TTC3: variants seen among roughly 807,000 people sequenced by gnomAD.
TTC3 encodes the protein tetratricopeptide repeat domain 3.
A neutral mutation model predicts 249.6 loss-of-function variants in TTC3; 180 were observed. That is an observed-to-expected ratio of 0.72 (90% CI 0.64 to 0.82). The LOEUF is 0.82. TTC3 is among the 40% of genes least tolerant of loss of function. TTC3 has a pLI of 0.00. For missense variants in TTC3, 2,061 were observed against 2,398.4 expected (o/e 0.86, Z 2.94); for synonymous variants, 717 against 805.0 (o/e 0.89, Z 1.85).
intron 35 of TTC3, among the ~76,000 whole-genome samples, chr21:37,176,584 T>A (rs996724694): frequency 2.0e-5 from 3 of 152,260 alleles, no homozygotes; most frequent in African/African-American, 7.2e-5. Context: ...GGGATTCTCC[T>A]CTTCAGTCAT....
chr21:37,180,648 A>G (rs1474228118), intron 35 of TTC3, among the ~76,000 whole-genome samples: 1 of 147,950 alleles, frequency 6.8e-6, no homozygotes, highest in African/African-American at 2.5e-5. Context: ...ATTGGGAGAT[A>G]TACCTAATGC....
chr21:37,109,545 G>T (rs1441351818), intron 11 of TTC3, among the ~76,000 whole-genome samples: 1 of 152,226 alleles, frequency 6.6e-6, no homozygotes, highest in East Asian at 1.9e-4. Flanking sequence ...GGCTTGAGTA[G>T]GTAAACAAAG....
chr21:37,135,879 A>G (rs535044885), intron 18 of TTC3, among the ~76,000 whole-genome samples: 36 of 152,352 alleles, frequency 2.4e-4, no homozygotes, highest in Middle Eastern at 3.4e-3. Flanking sequence ...CATTTGTTAC[A>G]AATTGAAGAT....
At chr21:37,087,724 A>G (rs1402995511) in intron 2 of TTC3, 109 bp from the exon 3 acceptor site, 7 of 869,446 alleles carry the variant, frequency 8.1e-6, no homozygotes, top group African/African-American at 1.7e-5. Context: ...TGTTTGAAGC[A>G]TATAAATAAA....
intron 15 of TTC3, among the ~76,000 whole-genome samples, chr21:37,126,979 C>T (rs1178916240): frequency 2.6e-5 from 4 of 152,028 alleles, no homozygotes; most frequent in Non-Finnish European, 2.9e-5. Flanking sequence ...CTCAGCCTCC[C>T]GAGTAGCTGG....
chr21:37,196,339 C>T (rs1435349964), intron 42 of TTC3, among the ~76,000 whole-genome samples: 2 of 150,742 alleles, frequency 1.3e-5, no homozygotes, highest in Admixed American at 6.6e-5. Context: ...CGAGTTCAAG[C>T]GATTCTCCTG....
chr21:37,185,904 ATTT>A (rs535552182), intron 37 of TTC3, 130 bp downstream of exon 37: 1 of 395,696 alleles, frequency 2.5e-6, no homozygotes, highest in South Asian at 1.0e-4. Context: ...TGTTTTCTTT[ATTT>A]CTATTTCTGT....
At chr21:37,157,256 G>GATTAA in intron 28 of TTC3, 1 of 1,164,750 alleles carries the variant, frequency 8.6e-7, no homozygotes, top group Non-Finnish European at 1.2e-6. Flanking sequence ...ACATTGGTCT[G>GATTAA]CAGAAGTAGG....
chr21:37,096,307 G>A (rs550658237), intron 9 of TTC3, among the ~76,000 whole-genome samples: 1 of 152,012 alleles, frequency 6.6e-6, no homozygotes, highest in Non-Finnish European at 1.5e-5. Flanking sequence ...AATATGTCTC[G>A]TTTGATCCCC....
chr21:37,125,258 G>A (rs999259429), intron 14 of TTC3, among the ~76,000 whole-genome samples: 1 of 152,164 alleles, frequency 6.6e-6, no homozygotes, highest in Non-Finnish European at 1.5e-5. Flanking sequence ...GGTTTACTTA[G>A]TGCTTCCGAA....
Position 37,139,146 on chromosome 21 carries a change from C to A in TTC3, c.1659+432C>A, listed in dbSNP as rs572910707. Among the ~76,000 whole-genome samples, 10 of 152,084 alleles carry A rather than the reference C, an allele frequency of 6.6e-5. No homozygotes were observed. In the East Asian group the frequency reaches 1.9e-3, roughly 29 times the overall value. ...TATATAAAATTTAAGATAATGGCTG[C>A]CTTTAGTGATGGCCAGGAGGGAATG... On this transcript the variant is annotated intron_variant, in intron 19 of 45. Transcript: ENST00000355666.
At chr21:37,149,457 C>A (rs79418422) in intron 23 of TTC3, among the ~76,000 whole-genome samples, 3 of 152,162 alleles carry the variant, frequency 2.0e-5, no homozygotes, top group African/African-American at 7.2e-5. Flanking sequence ...GTCACTTCTG[C>A]TATGTCTTTG....
chr21:37,186,267 C>G lies in TTC3; in HGVS notation c.4826+493C>G, dbSNP rs536646672. On this transcript the variant is annotated intron_variant, in intron 37 of 45. Transcript: ENST00000355666. Reference sequence around the variant, plus strand: ...GCTAACCAGTACATTCAGTGATAAGCAGTTGCATTCTGCTTTTCTCACTAT... The same window carrying G: ...GCTAACCAGTACATTCAGTGATAAGGAGTTGCATTCTGCTTTTCTCACTAT... 2.6e-5 allele frequency among the ~76,000 whole-genome samples: 4 copies of G among 152,070 alleles called. No homozygotes were observed. In the East Asian group the frequency reaches 5.8e-4, roughly 22 times the overall value.
chr21:37,143,633 A>G (rs1021653553), intron 20 of TTC3, among the ~76,000 whole-genome samples: 5,704 of 151,396 alleles, frequency 0.038, 322 homozygotes, highest in African/African-American at 0.13. Flanking sequence ...GAACACTTTT[A>G]CACTGTTGGT....
chr21:37,182,176 A>C (rs2082820496), intron 35 of TTC3, among the ~76,000 whole-genome samples: 1 of 152,244 alleles, frequency 6.6e-6, no homozygotes, highest in Non-Finnish European at 1.5e-5. Context: ...ACTTCAAAAA[A>C]GACATCAAAC....
chr21:37,094,830 T>C (rs574099543), intron 8 of TTC3, among the ~76,000 whole-genome samples: 84 of 152,148 alleles, frequency 5.5e-4, no homozygotes, highest in Non-Finnish European at 1.1e-3. Context: ...TCAAGACAGG[T>C]TTATTTAAAT....
rs1367685690 is a variant in TTC3, at chr21:37,132,679, T to C, written c.1359-3T>C. On this transcript the variant is annotated splice_region_variant and splice_polypyrimidine_tract_variant and intron_variant, in intron 16 of 45. Transcript: ENST00000355666. The stretch of plus-strand genomic sequence containing the variant: ...ATTTTTAAAAATGCTTTTTTTCTTT[T>C]AGTTCTAGTTCACCATTGACTTTAC... 1.9e-6 allele frequency: 3 copies of C among 1,581,096 alleles called. No homozygotes were observed. The highest frequency in any genetic ancestry group is 2.3e-5 in the East Asian group (1 of 44,278).
At chr21:37,150,205 A>G in intron 24 of TTC3, 35 bp downstream of exon 24, 1 of 1,452,526 alleles carries the variant, frequency 6.9e-7, no homozygotes, top group Non-Finnish European at 9.6e-7. Context: ...TTAGATAGAT[A>G]ACCAAAATGT....
chr21:37,109,885 G>C (rs2075482512), intron 11 of TTC3, among the ~76,000 whole-genome samples: 1 of 152,204 alleles, frequency 6.6e-6, no homozygotes, highest in South Asian at 2.1e-4. Flanking sequence ...CGATCAGGCA[G>C]CAGCATTTGC....
Sources: gnomAD v4.1 joint callset for allele counts (sites outside exome capture counted in the v4.1 genomes callset) on GRCh38, gnomAD v4.1.1 for gene constraint, MANE v1.5 for transcripts, NCBI Gene and HGNC (gene_info 2026-07-23, HGNC 2026-07-21) for gene names.